Variants in TRIM36 observed in about 807,000 individuals in gnomAD.
The protein encoded by TRIM36 is tripartite motif containing 36.
TRIM36 carries 42 observed loss-of-function variants against 72.4 expected under a neutral mutation model. The observed-to-expected ratio is 0.58, with a 90% confidence interval of 0.45 to 0.75. TRIM36 has a LOEUF of 0.75. Among genes scored for constraint, TRIM36 ranks in the 30% least tolerant of loss-of-function variants. TRIM36 has a pLI of 0.00. For synonymous variants in TRIM36, 315 were observed against 282.8 expected, an observed-to-expected ratio of 1.11 and a Z score of -1.14; for missense variants, 913 against 857.1, an observed-to-expected ratio of 1.07 and a Z score of -0.81.
intron 8 of TRIM36, among the ~76,000 whole-genome samples, chr5:115,131,287 T>C (rs1210948316): frequency 6.6e-6 from 1 of 152,202 alleles, no homozygotes; most frequent in African/African-American, 2.4e-5. Context: ...ATTGAAAGTT[T>C]TGTTAATTTG....
chr5:115,133,792 C>G, intron 8 of TRIM36, 68 bp downstream of exon 8: 1 of 1,467,424 alleles, frequency 6.8e-7, no homozygotes, highest in Non-Finnish European at 9.1e-7. Context: ...GAGATACTGA[C>G]TAGTTTATTT....
chr5:115,173,590 T>C (rs1428742469), upstream of TRIM36, among the ~76,000 whole-genome samples: 1 of 152,132 alleles, frequency 6.6e-6, no homozygotes, highest in Non-Finnish European at 1.5e-5. Context: ...GTGGTAAACC[T>C]GTGGTAACAA....
chr5:115,146,966 G>A (rs1035128865), intron 3 of TRIM36, 103 bp downstream of exon 3: 8 of 1,202,910 alleles, frequency 6.7e-6, no homozygotes, highest in Non-Finnish European at 9.1e-6. Flanking sequence ...TTTCCTTTCT[G>A]TCAAGTTCTA....
chr5:115,169,646 G>T lies in TRIM36; in HGVS notation c.-12C>A, dbSNP rs1487706619. 2.0e-6 allele frequency: 3 copies of T among 1,521,986 alleles called. No homozygotes were observed. The highest frequency in any genetic ancestry group is 2.5e-5 in the East Asian group (1 of 40,138). 94.3% of individuals were successfully genotyped at this position (1,521,986 alleles called of 1,614,324 possible). A position where few individuals can be genotyped will look rare whatever the true frequency, so the allele number is the denominator to read the frequency against. On this transcript the variant is annotated 5_prime_UTR_variant, in exon 1 of 10. Transcript: ENST00000513154. ...CCATCGCCCTCCATGGCTGCCTTCT[G>T]CCAGGTGTCATCAGCGGCACGTTCC...
Position 115,137,000 on chromosome 5 carries a change from C to A in TRIM36, c.1210G>T (p.Gly404Cys). 2 of 1,591,682 alleles carry A rather than the reference C, an allele frequency of 1.3e-6. No homozygotes were observed. The highest frequency in any genetic ancestry group is 2.3e-5 in the South Asian group (2 of 85,766). The change falls in exon 7 of 10, where the codon GGC becomes TGC. Residue 404 changes from glycine to cysteine, a missense_variant and splice_region_variant. Physicochemically the swap from Gly to Cys is radical, Grantham distance 159 (BLOSUM62 -3). Coordinates refer to ENST00000513154, the MANE Select transcript of TRIM36 (RefSeq NM_001300759.2). The stretch of plus-strand genomic sequence containing the variant: ...GGTTTTTGCCTTCATTAAGACTTAC[C>A]ACTAGAGAAAAAGGATAATTCTCCA... ...LLGELSFFSS[G>C]IDVPEINEEQ...
At chr5:115,163,781 G>A (rs1754617567) in intron 1 of TRIM36, 29 bp from the exon 2 acceptor site, 1 of 1,552,302 alleles carries the variant, frequency 6.4e-7, no homozygotes, top group African/African-American at 1.4e-5. Context: ...CAAGTTAAAG[G>A]CTCTTAGTGG....
upstream of TRIM36, chr5:115,180,217 A>T (rs1755556710): frequency 7.0e-6 from 4 of 572,800 alleles, no homozygotes; most frequent in South Asian, 6.9e-5. Context: ...AATGAAGGCC[A>T]TCGAGGGCTC....
chr5:115,144,849 A>G, intron 3 of TRIM36, 105 bp from the exon 4 acceptor site: 3 of 1,235,140 alleles, frequency 2.4e-6, no homozygotes, highest in Non-Finnish European at 3.3e-6. Context: ...AAATAAAGCC[A>G]TTTAAGTGAA....
chr5:115,137,492 T>G lies in TRIM36; in HGVS notation c.956A>C (p.Lys319Thr), dbSNP rs1213353122. The change falls in exon 6 of 10, where the codon AAA (lysine) becomes ACA (threonine). Residue 319 changes from lysine (K) to threonine (T), a missense_variant. Physicochemically the swap from Lys to Thr is moderately conservative, Grantham distance 78. Transcript: ENST00000513154. ...GTACTCTTCCATTTGAGTCTGAAAT[T>G]TGTCTAATCTTAGTTTCTTAGAGGA... Reference protein sequence around the residue: ...IDSSKKLRLDKFQTQMEEYQG... With the variant: ...IDSSKKLRLDTFQTQMEEYQG... 1 of 1,614,054 alleles carries G rather than the reference T, an allele frequency of 6.2e-7. No individual in the cohort carries two copies. The highest frequency in any genetic ancestry group is 8.5e-7 in the Non-Finnish European group (1 of 1,180,032).
chr5:115,171,052 C>A, upstream of TRIM36: 1 of 1,611,984 alleles, frequency 6.2e-7, no homozygotes, highest in Non-Finnish European at 8.5e-7. Context: ...GAACAGATGC[C>A]CTAAATTGCT....
chr5:115,175,375 C>A (rs893672563), intron 1 of TRIM36, among the ~76,000 whole-genome samples: 1 of 152,138 alleles, frequency 6.6e-6, no homozygotes, highest in Non-Finnish European at 1.5e-5. Flanking sequence ...ATTCATTTAA[C>A]CCTTGCAGTA....
intron 9 of TRIM36, among the ~76,000 whole-genome samples, 155 bp downstream of exon 9, chr5:115,130,437 A>G (rs537143810): frequency 6.6e-6 from 1 of 152,370 alleles, no homozygotes; most frequent in South Asian, 2.1e-4. Context: ...ATGTGTGATT[A>G]CAAGAATACC....
intron 1 of TRIM36, among the ~76,000 whole-genome samples, chr5:115,164,635 A>T (rs893059919): frequency 1.3e-5 from 2 of 152,222 alleles, no homozygotes; most frequent in African/African-American, 2.4e-5. Flanking sequence ...GCCTCCCACC[A>T]GGTCTCTCCC....
intron 3 of TRIM36, among the ~76,000 whole-genome samples, chr5:115,146,455 A>G (rs574144231): frequency 3.3e-5 from 5 of 152,346 alleles, no homozygotes; most frequent in African/African-American, 1.2e-4. Flanking sequence ...GAAGATATCA[A>G]AAGATCAGTT....
At chr5:115,152,751 C>T (rs775426811) in intron 2 of TRIM36, among the ~76,000 whole-genome samples, 15 of 152,104 alleles carry the variant, frequency 9.9e-5, no homozygotes, top group Admixed American at 2.0e-4. Flanking sequence ...GAATTTTATA[C>T]GCAGCAAAAC....
At chr5:115,141,456 G>C in intron 4 of TRIM36, 82 bp from the exon 5 acceptor site, 1 of 749,892 alleles carries the variant, frequency 1.3e-6, no homozygotes, top group Non-Finnish European at 2.1e-6. Flanking sequence ...AATTACACAG[G>C]ACTCATCCTC....
chr5:115,144,162 C>T (rs1753446888), intron 4 of TRIM36, among the ~76,000 whole-genome samples: 3 of 151,984 alleles, frequency 2.0e-5, no homozygotes, highest in Admixed American at 6.6e-5. Context: ...GTGTGAGCCA[C>T]GGAAGTAATT....
chr5:115,171,453 TGCCTGCGTGA>T (rs1755113968), upstream of TRIM36, among the ~76,000 whole-genome samples: 1 of 152,214 alleles, frequency 6.6e-6, no homozygotes, highest in African/African-American at 2.4e-5. Flanking sequence ...GACTAACAAA[TGCCTGCGTGA>T]ATTAGGTGCC....
Position 115,169,665 on chromosome 5 carries a change from A to C in TRIM36, c.-31T>G, listed in dbSNP as rs1442072950. On this transcript the variant is annotated 5_prime_UTR_variant, in exon 1 of 10. Coordinates refer to ENST00000513154, the MANE Select transcript of TRIM36 (RefSeq NM_001300759.2). ...CCTTCTGCCAGGTGTCATCAGCGGCACGTTCCACTCACACCGGCTACCGAG... is the reference window on the plus strand; with the variant it reads ...CCTTCTGCCAGGTGTCATCAGCGGCCCGTTCCACTCACACCGGCTACCGAG... The C allele has an allele frequency of 1.3e-6, 2 of 1,519,410 alleles. No individual in the cohort carries two copies. Among genetic ancestry groups the C allele is most frequent in the Admixed American group, 2.1e-5 (1 of 48,286 alleles). The allele number at this position is 1,519,410 out of a possible 1,614,324, so 94.1% of individuals were successfully genotyped here. A position where few individuals can be genotyped will look rare whatever the true frequency, so the allele number is the denominator to read the frequency against.
Sources: gnomAD v4.1 joint callset for allele counts (sites outside exome capture counted in the v4.1 genomes callset) on GRCh38, gnomAD v4.1.1 for gene constraint, MANE v1.5 for transcripts, NCBI Gene and HGNC (gene_info 2026-07-23, HGNC 2026-07-21) for gene names.